The following L3MBTL2 variants were observed in gnomAD, a reference collection of about 807,000 sequenced individuals.
L3MBTL2 encodes L3MBTL histone methyl-lysine binding protein 2.
A neutral mutation model predicts 86.4 loss-of-function variants in L3MBTL2; 49 were observed. The ratio of observed to expected loss-of-function variants is 0.57; its 90% CI spans 0.45 to 0.72. The LOEUF (loss-of-function observed/expected upper bound fraction) is 0.72. Among genes scored for constraint, L3MBTL2 ranks in the 30% least tolerant of loss-of-function variants. The pLI, the probability that L3MBTL2 is intolerant of heterozygous loss-of-function variation, is 0.00. For missense variants in L3MBTL2, 755 were observed against 923.7 expected, an observed-to-expected ratio of 0.82 and a Z score of 2.37; for synonymous variants, 336 against 350.6, an observed-to-expected ratio of 0.96 and a Z score of 0.47.
chr22:41,229,804 A>C, intron 16 of L3MBTL2, 148 bp downstream of exon 16: 6 of 1,358,316 alleles, frequency 4.4e-6, no homozygotes, highest in Non-Finnish European at 5.2e-6. Flanking sequence ...CACTGGACCC[A>C]GGGTGTTTCC....
chr22:41,225,711 T>G lies in L3MBTL2; in HGVS notation c.1357-83T>G, dbSNP rs1291362308. The G allele has an allele frequency of 5.5e-6, 8 of 1,453,714 alleles. No homozygotes were observed. The highest frequency in any genetic ancestry group is 6.6e-6 in the Non-Finnish European group (7 of 1,066,804). 90.1% of individuals were successfully genotyped at this position (1,453,714 alleles called of 1,614,324 possible). A position where few individuals can be genotyped will look rare whatever the true frequency, so the allele number is the denominator to read the frequency against. ...GATCCGTTTGGATCCATTTGCCTCG[T>G]GTCCCTATTGGGGTGCGGTACCAAC... On this transcript the variant is annotated intron_variant, in intron 11 of 16. Transcript: ENST00000216237. The surrounding 1 kb of genome is among the most constrained non-coding windows in gnomAD (Gnocchi z 4.1).
intron 1 of L3MBTL2, among the ~76,000 whole-genome samples, chr22:41,208,769 G>A (rs2030457789): frequency 6.6e-6 from 1 of 152,128 alleles, no homozygotes; most frequent in Non-Finnish European, 1.5e-5. Flanking sequence ...TTTTGAGACA[G>A]CATCTCACTC....
At chr22:41,212,039 ATTTT>A (rs1212256371) in intron 2 of L3MBTL2, among the ~76,000 whole-genome samples, 1 of 124,196 alleles carries the variant, frequency 8.1e-6, no homozygotes, top group Non-Finnish European at 1.7e-5. Context: ...AATTTTTTGT[ATTTT>A]TTAGTAGAGA....
rs570286827 is a variant in L3MBTL2 at position 41,220,623 on chromosome 22, A to G, written c.719-111A>G. 5.8e-5 allele frequency: 70 copies of G among 1,206,222 alleles called. No homozygotes were observed. In the South Asian group the frequency reaches 9.7e-4, roughly 17 times the overall value. 74.7% of individuals were successfully genotyped at this position (1,206,222 alleles called of 1,614,324 possible). On this transcript the variant is annotated intron_variant, in intron 6 of 16. Coordinates refer to ENST00000216237, the MANE Select transcript of L3MBTL2 (RefSeq NM_031488.5). ...CAGTGAGCTGAGATGGCGCCACTGC[A>G]CTCCAGCCTGGGCGACAGAGCAAGA...
intron 8 of L3MBTL2, among the ~76,000 whole-genome samples, chr22:41,222,053 C>T (rs1020447076): frequency 6.6e-6 from 1 of 152,098 alleles, no homozygotes; most frequent in Non-Finnish European, 1.5e-5. Flanking sequence ...TGCGCACACA[C>T]CACCATACTT....
chr22:41,226,249 C>T (rs2032176846), intron 12 of L3MBTL2, among the ~76,000 whole-genome samples: 1 of 151,884 alleles, frequency 6.6e-6, no homozygotes, highest in Admixed American at 6.6e-5. Context: ...TGCACTCCAG[C>T]CTGGGCGACA....
At chr22:41,208,848 A>G (rs929120685) in intron 1 of L3MBTL2, among the ~76,000 whole-genome samples, 12 of 151,920 alleles carry the variant, frequency 7.9e-5, no homozygotes, top group Non-Finnish European at 1.3e-4. Flanking sequence ...GGTTCAAGCA[A>G]TTCTCTGCCT....
intron 4 of L3MBTL2, 132 bp downstream of exon 4, chr22:41,216,394 C>T (rs543093859): frequency 7.8e-6 from 8 of 1,028,478 alleles, no homozygotes; most frequent in East Asian, 5.3e-5. Context: ...AGGGTCACTG[C>T]GGATTGCATC....
At position 41,230,325 on chromosome 22, in the gene L3MBTL2, A is replaced by T. The variant is rs979790603; in HGVS notation, c.*74A>T. On this transcript the variant is annotated 3_prime_UTR_variant, in exon 17 of 17. Transcript: ENST00000216237. Reference sequence around the variant, plus strand: ...TCTCTACCACCACCACCATGCCTCCACCTGACTTTGGCTTGGAGACTGATC... The same window carrying T: ...TCTCTACCACCACCACCATGCCTCCTCCTGACTTTGGCTTGGAGACTGATC... The T allele has an allele frequency of 3.6e-6, 4 of 1,111,856 alleles. No individual in the cohort carries two copies. Among genetic ancestry groups the T allele is most frequent in the Non-Finnish European group, 5.5e-6 (4 of 732,784 alleles). 68.9% of individuals were successfully genotyped at this position (1,111,856 alleles called of 1,614,324 possible). A position where few individuals can be genotyped will look rare whatever the true frequency, so the allele number is the denominator to read the frequency against.
At chr22:41,230,093 C>CCCCCGT in intron 16 of L3MBTL2, 46 bp from the exon 17 acceptor site, 2 of 965,788 alleles carry the variant, frequency 2.1e-6, no homozygotes, top group South Asian at 1.5e-5. Context: ...CCACCCCTCC[C>CCCCCGT]AGAGTTATTT....
rs556781704 is a variant in L3MBTL2, at chr22:41,229,641, C to T, written c.1990C>T (p.Pro664Ser). The change falls in exon 16 of 17, where the codon CCT becomes TCT. Residue 664 changes from proline (P) to serine (S), a missense_variant. Physicochemically the swap from Pro to Ser is moderately conservative, Grantham distance 74. Coordinates refer to ENST00000216237, the MANE Select transcript of L3MBTL2 (RefSeq NM_031488.5). ...PQGARKISSE[P>S]VPGEIIAVRV... ...GGGTGCCAGGAAGATCTCGTCGGAG[C>T]CTGTTCCTGGCGAGAGTAAGAGCCA... 1.2e-6 allele frequency: 2 copies of T among 1,613,666 alleles called. No individual in the cohort carries two copies. Among genetic ancestry groups the T allele is most frequent in the Non-Finnish European group, 1.7e-6 (2 of 1,180,032 alleles).
At chr22:41,213,457 C>T (rs933354606) in intron 2 of L3MBTL2, among the ~76,000 whole-genome samples, 5 of 127,216 alleles carry the variant, frequency 3.9e-5, no homozygotes, top group African/African-American at 1.2e-4. Context: ...CACACCTGGC[C>T]TTTTTTTTTT....
chr22:41,217,441 T>A lies in L3MBTL2; in HGVS notation c.600+239T>A, dbSNP rs2031475251. ...GAAGCCCTTCAGTTTATTTACATGA[T>A]GGAACTTGGTGCTAGCTGATGTCGA... On this transcript the variant is annotated intron_variant, in intron 5 of 16. Coordinates refer to ENST00000216237, the MANE Select transcript of L3MBTL2 (RefSeq NM_031488.5). The A allele has an allele frequency of 3.6e-5, 18 of 503,690 alleles. No homozygotes were observed. The South Asian group carries it at 3.9e-4, about 11-fold the overall frequency. The allele number at this position is 503,690 out of a possible 1,614,324, so 31.2% of individuals were successfully genotyped here. A position where few individuals can be genotyped will look rare whatever the true frequency, so the allele number is the denominator to read the frequency against.
Position 41,230,640 on chromosome 22 carries a change from C to T in L3MBTL2, c.*389C>T. The T allele has an allele frequency of 4.7e-6, 1 of 211,866 alleles. No homozygotes were observed. Among genetic ancestry groups the T allele is most frequent in the Non-Finnish European group, 9.4e-6 (1 of 106,518 alleles). The allele number at this position is 211,866 out of a possible 1,614,324, so 13.1% of individuals were successfully genotyped here. On this transcript the variant is annotated 3_prime_UTR_variant, in exon 17 of 17. Transcript: ENST00000216237. The stretch of plus-strand genomic sequence containing the variant: ...ACACTGTGGAATACAAGACAGTGAA[C>T]TCTGTCTGCCTGAACGAGCCATGTA...
intron 12 of L3MBTL2, 58 bp from the exon 13 acceptor site, chr22:41,226,604 T>C (rs1739743501): frequency 3.2e-6 from 4 of 1,234,020 alleles, no homozygotes; most frequent in Non-Finnish European, 4.8e-6. Context: ...TGTCCTTTCC[T>C]CCTGCCCACT....
intron 3 of L3MBTL2, among the ~76,000 whole-genome samples, 167 bp from the exon 4 acceptor site, chr22:41,215,972 C>G (rs913506239): frequency 3.3e-5 from 5 of 152,162 alleles, no homozygotes; most frequent in African/African-American, 7.2e-5. Context: ...CACAACCACC[C>G]CCTGAGCTCA....
chr22:41,225,211 T>C lies in L3MBTL2; in HGVS notation c.1356+140T>C, dbSNP rs570881082. ...ACTGGCTGCACCCAGAGTCCCTGAC[T>C]TTTGTGAGTGGGGCCTGGCCTGCCC... is the stretch of plus-strand genomic sequence containing the variant. On this transcript the variant is annotated intron_variant, in intron 11 of 16. Coordinates refer to ENST00000216237, the MANE Select transcript of L3MBTL2 (RefSeq NM_031488.5). The surrounding 1 kb of genome is among the most constrained non-coding windows in gnomAD (Gnocchi z 4.1). The C allele has an allele frequency of 7.5e-5, 50 of 664,744 alleles. No individual in the cohort carries two copies. The South Asian group carries it at 9.1e-4, about 12-fold the overall frequency. 41.2% of individuals were successfully genotyped at this position (664,744 alleles called of 1,614,324 possible).
chr22:41,225,864 G>A lies in L3MBTL2; in HGVS notation c.1427G>A (p.Cys476Tyr). The A allele has an allele frequency of 6.2e-7, 1 of 1,614,140 alleles. No individual in the cohort carries two copies. Among genetic ancestry groups the A allele is most frequent in the Non-Finnish European group, 8.5e-7 (1 of 1,180,016 alleles). Reference sequence around the variant, plus strand: ...TCCACAGATGGCTTGGACTGGTTCTGCTACCATGCCTCTTCCCACGCCATC... The same window carrying A: ...TCCACAGATGGCTTGGACTGGTTCTACTACCATGCCTCTTCCCACGCCATC... ...GPSTDGLDWF[C>Y]YHASSHAIFP... The change falls in exon 12 of 17, where the codon TGC (cysteine) becomes TAC (tyrosine). Residue 476 changes from cysteine to tyrosine, a missense_variant. This residue lies in a region of L3MBTL2 where 634 missense variants were observed against 748.9 expected (regional missense o/e 0.85). Coordinates refer to ENST00000216237, the MANE Select transcript of L3MBTL2 (RefSeq NM_031488.5). This position sits in a 1 kb window ranked among gnomAD's most constrained non-coding sequence, Gnocchi z 4.1.
chr22:41,217,205 G>T lies in L3MBTL2; in HGVS notation c.600+3G>T. ...CTCCCGTCAGCTGTTTCAAGCACGT[G>T]AGTGCCCTGGAGCTGAGGGAGGGAG... On this transcript the variant is annotated splice_donor_region_variant and intron_variant, in intron 5 of 16. Transcript: ENST00000216237. 6.2e-7 allele frequency: 1 copy of T among 1,610,856 alleles called. No homozygotes were observed.
Sources: allele counts gnomAD v4.1 joint callset (sites outside exome capture counted in the v4.1 genomes callset), GRCh38; gene constraint gnomAD v4.1.1; regional missense constraint gnomAD v4.1.1; non-coding constraint Gnocchi (gnomAD v3.1); transcripts MANE v1.5; gene names NCBI Gene and HGNC (gene_info 2026-07-23, HGNC 2026-07-21).